PLCH1: variants seen among roughly 807,000 people sequenced by gnomAD.
The protein encoded by PLCH1 is 1-phosphatidylinositol 4,5-bisphosphate phosphodiesterase eta-1.
Under a neutral mutation model 126.7 loss-of-function variants are expected in PLCH1, and 60 were observed. The observed-to-expected ratio is 0.47, with a 90% confidence interval of 0.38 to 0.59. PLCH1 has a LOEUF of 0.59. Among genes scored for constraint, PLCH1 ranks in the 20% least tolerant of loss-of-function variants. The pLI is 0.00. For missense variants in PLCH1, 1,723 were observed against 2,040.0 expected (o/e 0.84, Z 2.99); for synonymous variants, 719 against 734.9 (o/e 0.98, Z 0.35).
chr3:155,736,810 C>A, intron 1 of PLCH1, among the ~76,000 whole-genome samples: 1 of 152,188 alleles, frequency 6.6e-6, no homozygotes, highest in Non-Finnish European at 1.5e-5. Context: ...CAGTTAGGAG[C>A]TAAGAGACAG....
intron 2 of PLCH1, among the ~76,000 whole-genome samples, chr3:155,642,671 CTT>C (rs1318870701): frequency 6.6e-6 from 1 of 152,220 alleles, no homozygotes; most frequent in African/African-American, 2.4e-5. Flanking sequence ...GAAGAGCTGA[CTT>C]TGCCAACAAA....
chr3:155,568,170 T>C, intron 7 of PLCH1, 61 bp downstream of exon 7: 1 of 760,164 alleles, frequency 1.3e-6, no homozygotes, highest in South Asian at 1.6e-5. Context: ...AAACTTTTGC[T>C]GGAATTTAAC....
intron 4 of PLCH1, among the ~76,000 whole-genome samples, chr3:155,591,359 C>A (rs915094789): frequency 6.6e-5 from 10 of 152,092 alleles, no homozygotes; most frequent in African/African-American, 2.2e-4. Flanking sequence ...ATGCAACTGT[C>A]CTCAAAGTAT....
intron 21 of PLCH1, among the ~76,000 whole-genome samples, chr3:155,474,444 T>C (rs1258260541): frequency 2.0e-5 from 3 of 146,682 alleles, no homozygotes; most frequent in East Asian, 2.2e-4. Flanking sequence ...CTGGAGAGGA[T>C]GTGGAGAAAT....
intron 2 of PLCH1, among the ~76,000 whole-genome samples, chr3:155,701,449 C>A (rs16825324): frequency 0.4 from 60,639 of 152,012 alleles, 12,862 homozygotes; most frequent in African/African-American, 0.53. Context: ...TAGAAAGAGA[C>A]CCTGGCTGGC....
intron 2 of PLCH1, among the ~76,000 whole-genome samples, chr3:155,670,953 C>T (rs565976608): frequency 1.3e-5 from 2 of 152,248 alleles, no homozygotes; most frequent in African/African-American, 2.4e-5. Context: ...GCCAACCTGT[C>T]GGCTGGGGAA....
At chr3:155,707,162 C>T (rs980933900) in intron 1 of PLCH1, among the ~76,000 whole-genome samples, 1 of 152,168 alleles carries the variant, frequency 6.6e-6, no homozygotes, top group African/African-American at 2.4e-5. Flanking sequence ...TCTGCCAATG[C>T]CTTGATCTTA....
intron 2 of PLCH1, among the ~76,000 whole-genome samples, chr3:155,692,457 T>TG (rs1303953427): frequency 5.4e-5 from 8 of 147,616 alleles, no homozygotes; most frequent in East Asian, 1.9e-4. Flanking sequence ...AATGAATGAA[T>TG]GAATGGATGG....
At chr3:155,501,448 C>T (rs1449895353) in intron 13 of PLCH1, among the ~76,000 whole-genome samples, 1 of 152,120 alleles carries the variant, frequency 6.6e-6, no homozygotes, top group Non-Finnish European at 1.5e-5. Flanking sequence ...ATGATTTCAT[C>T]CCCACCAATT....
intron 1 of PLCH1, among the ~76,000 whole-genome samples, chr3:155,719,421 C>T (rs896366413): frequency 1.1e-4 from 17 of 151,690 alleles, no homozygotes; most frequent in African/African-American, 1.7e-4. Flanking sequence ...ATGTAAATGA[C>T]GAGTTAATGG....
intron 2 of PLCH1, among the ~76,000 whole-genome samples, chr3:155,662,845 G>A (rs1742323911): frequency 6.6e-6 from 1 of 152,030 alleles, no homozygotes; most frequent in Non-Finnish European, 1.5e-5. Flanking sequence ...TGTATTTTTA[G>A]TAGAGATGGG....
intron 21 of PLCH1, among the ~76,000 whole-genome samples, chr3:155,462,594 A>G (rs569714070): frequency 6.6e-6 from 1 of 152,306 alleles, no homozygotes; most frequent in Admixed American, 6.5e-5. Flanking sequence ...TTTGGTATAT[A>G]CTAATATGCA....
chr3:155,666,523 C>T (rs1250424572), intron 2 of PLCH1, among the ~76,000 whole-genome samples: 1 of 152,120 alleles, frequency 6.6e-6, no homozygotes, highest in African/African-American at 2.4e-5. Flanking sequence ...GAAGCAGAGT[C>T]ATTTTTGGAT....
At chr3:155,679,588 C>T (rs1744353336) in intron 2 of PLCH1, among the ~76,000 whole-genome samples, 1 of 152,234 alleles carries the variant, frequency 6.6e-6, no homozygotes, top group South Asian at 2.1e-4. Flanking sequence ...ACCCCAACCT[C>T]ACCAGTCATA....
chr3:155,647,280 C>T (rs1036683786), intron 2 of PLCH1, among the ~76,000 whole-genome samples: 1 of 151,978 alleles, frequency 6.6e-6, no homozygotes, highest in African/African-American at 2.4e-5. Flanking sequence ...ACCATAAAAA[C>T]AAGCATTTGT....
chr3:155,506,062 C>T (rs979907352), intron 12 of PLCH1, among the ~76,000 whole-genome samples: 2 of 152,018 alleles, frequency 1.3e-5, no homozygotes, highest in African/African-American at 4.8e-5. Flanking sequence ...CTGTCACAGG[C>T]AAATTGAGGT....
chr3:155,719,623 C>A (rs1430348523), intron 1 of PLCH1, among the ~76,000 whole-genome samples: 6 of 151,418 alleles, frequency 4.0e-5, no homozygotes, highest in Admixed American at 3.9e-4. Context: ...AACTGTTGTA[C>A]TTTTTGGTAG....
chr3:155,555,709 C>A (rs965078420), intron 8 of PLCH1, among the ~76,000 whole-genome samples: 7 of 152,246 alleles, frequency 4.6e-5, no homozygotes, highest in African/African-American at 1.7e-4. Flanking sequence ...CTCCATGTGT[C>A]TTTTCTTCTT....
chr3:155,586,356 T>C (rs1017977106), intron 4 of PLCH1, among the ~76,000 whole-genome samples, 162 bp from the exon 5 acceptor site: 1 of 152,092 alleles, frequency 6.6e-6, no homozygotes, highest in Non-Finnish European at 1.5e-5. Context: ...CTAATAATGA[T>C]GACAATAACA....
Sources: gnomAD v4.1 joint callset for allele counts (sites outside exome capture counted in the v4.1 genomes callset) on GRCh38, gnomAD v4.1.1 for gene constraint, MANE v1.5 for transcripts, NCBI Gene and HGNC (gene_info 2026-07-23, HGNC 2026-07-21) for gene names.